The following MGAT4C variants were observed in gnomAD, a reference collection of about 807,000 sequenced individuals.
MGAT4C encodes the protein alpha-1,3-mannosyl-glycoprotein 4-beta-N-acetylglucosaminyltransferase C.
Under a neutral mutation model 40.1 loss-of-function variants are expected in MGAT4C, and 19 were observed. The observed-to-expected ratio is 0.47, with a 90% confidence interval of 0.33 to 0.70. The LOEUF is 0.70. Among genes scored for constraint, MGAT4C ranks in the 30% least tolerant of loss-of-function variants. MGAT4C has a pLI of 0.02. For synonymous variants in MGAT4C, 181 were observed against 187.1 expected (o/e 0.97, Z 0.27); for missense variants, 491 against 563.2 (o/e 0.87, Z 1.30).
At chr12:86,048,526 T>C (rs998710165) in intron 2 of MGAT4C, among the ~76,000 whole-genome samples, 1 of 152,002 alleles carries the variant, frequency 6.6e-6, no homozygotes, top group Non-Finnish European at 1.5e-5. Flanking sequence ...AATGAAAATA[T>C]ATCAGCTATG....
chr12:86,407,776 G>A (rs1027878704), intron 3 of MGAT4C, among the ~76,000 whole-genome samples: 2 of 151,982 alleles, frequency 1.3e-5, no homozygotes, highest in South Asian at 2.1e-4. Flanking sequence ...GAAAGACAAC[G>A]TTTTTTCAAG....
At chr12:86,269,798 A>C (rs1952896179) in intron 4 of MGAT4C, among the ~76,000 whole-genome samples, 1 of 152,108 alleles carries the variant, frequency 6.6e-6, no homozygotes, top group African/African-American at 2.4e-5. Flanking sequence ...CAATATAGTT[A>C]TTTTGTTGAT....
At chr12:86,207,454 C>T (rs1459075998) in intron 1 of MGAT4C, among the ~76,000 whole-genome samples, 7 of 152,078 alleles carry the variant, frequency 4.6e-5, no homozygotes, top group Admixed American at 2.0e-4. Flanking sequence ...CCTCGACCCC[C>T]CGACAGGCCT....
intron 1 of MGAT4C, among the ~76,000 whole-genome samples, chr12:86,221,378 A>G (rs79822159): frequency 0.027 from 4,057 of 152,252 alleles, 81 homozygotes; most frequent in East Asian, 0.048. Flanking sequence ...AAAAGGAGAT[A>G]ATATAAAGAA....
chr12:86,382,629 G>A (rs1212498969), intron 3 of MGAT4C, among the ~76,000 whole-genome samples: 4 of 152,198 alleles, frequency 2.6e-5, no homozygotes, highest in African/African-American at 4.8e-5. Context: ...CAGGCCCAGG[G>A]GTTTAGGAGG....
At chr12:86,823,252 A>G (rs1475003051) in intron 1 of MGAT4C, among the ~76,000 whole-genome samples, 1 of 151,250 alleles carries the variant, frequency 6.6e-6, no homozygotes, top group Non-Finnish European at 1.5e-5. Flanking sequence ...CAAAGTTAGC[A>G]TAAGGAAGAA....
chr12:86,766,684 C>A (rs1473205255), intron 1 of MGAT4C, among the ~76,000 whole-genome samples: 2 of 151,924 alleles, frequency 1.3e-5, no homozygotes, highest in African/African-American at 4.8e-5. Context: ...GACCACAGTG[C>A]AATCAAACTA....
chr12:86,053,905 CT>C (rs1893132154), intron 1 of MGAT4C, among the ~76,000 whole-genome samples: 1 of 151,728 alleles, frequency 6.6e-6, no homozygotes, highest in Non-Finnish European at 1.5e-5. Flanking sequence ...ATCACCTGAC[CT>C]GTTAGAATGG....
At chr12:86,464,117 G>A (rs1957642437) in intron 2 of MGAT4C, among the ~76,000 whole-genome samples, 1 of 152,078 alleles carries the variant, frequency 6.6e-6, no homozygotes, top group Non-Finnish European at 1.5e-5. Flanking sequence ...CATACTGTAA[G>A]ATAGTACTTC....
chr12:86,799,836 T>C (rs1201947753), intron 1 of MGAT4C, among the ~76,000 whole-genome samples: 1 of 151,916 alleles, frequency 6.6e-6, no homozygotes, highest in Non-Finnish European at 1.5e-5. Flanking sequence ...ATATTGCCTG[T>C]AGATAGTGAC....
intron 1 of MGAT4C, among the ~76,000 whole-genome samples, chr12:86,241,705 A>G (rs937167548): frequency 1.3e-5 from 2 of 152,168 alleles, no homozygotes; most frequent in African/African-American, 4.8e-5. Flanking sequence ...GGCCTCAGAT[A>G]CTAGACCTGT....
chr12:86,296,703 G>A (rs1381997949), intron 4 of MGAT4C, among the ~76,000 whole-genome samples: 1 of 152,210 alleles, frequency 6.6e-6, no homozygotes, highest in African/African-American at 2.4e-5. Flanking sequence ...CCGAGTGCGG[G>A]GCCCGCCAAG....
At chr12:86,771,965 T>G (rs1237660730) in intron 1 of MGAT4C, among the ~76,000 whole-genome samples, 1 of 152,136 alleles carries the variant, frequency 6.6e-6, no homozygotes, top group African/African-American at 2.4e-5. Flanking sequence ...CCTTGTTGCT[T>G]ATGGCAAAAT....
At position 86,799,016 on chromosome 12, in the gene MGAT4C, C is replaced by T. The variant is rs185279929; in HGVS notation, c.-262+39650G>A. Among the ~76,000 whole-genome samples, 5 of 151,814 alleles carry T rather than the reference C, an allele frequency of 3.3e-5. No individual in the cohort carries two copies. The East Asian group carries it at 9.7e-4, about 29-fold the overall frequency. On this transcript the variant is annotated intron_variant, in intron 1 of 7. Coordinates refer to the MGAT4C transcript ENST00000548651. ...ATTTAATTTGCCTTCTAGCATCTGG[C>T]CACCAGTTAAAAGAACCAGTTACAA...
intron 3 of MGAT4C, among the ~76,000 whole-genome samples, chr12:86,408,196 C>T (rs555909087): frequency 2.6e-5 from 4 of 151,822 alleles, no homozygotes; most frequent in South Asian, 2.1e-4. Flanking sequence ...TGGGTGACAT[C>T]GAAATAAAAT....
intron 1 of MGAT4C, among the ~76,000 whole-genome samples, chr12:86,052,506 T>G (rs1368922939): frequency 6.6e-6 from 1 of 152,010 alleles, no homozygotes; most frequent in Non-Finnish European, 1.5e-5. Context: ...TATTAAATAA[T>G]AAGAAATGCA....
At chr12:86,042,345 G>A (rs1004029340) in intron 2 of MGAT4C, among the ~76,000 whole-genome samples, 1 of 152,162 alleles carries the variant, frequency 6.6e-6, no homozygotes, top group Admixed American at 6.5e-5. Context: ...ATTTGATCCT[G>A]TCATTGTGTT....
intron 2 of MGAT4C, among the ~76,000 whole-genome samples, chr12:86,715,303 C>G (rs1197320801): frequency 1.3e-5 from 2 of 151,994 alleles, no homozygotes; most frequent in Admixed American, 6.6e-5. Flanking sequence ...AAAAAGCAAG[C>G]ATGCTAATTT....
intron 2 of MGAT4C, among the ~76,000 whole-genome samples, chr12:86,502,807 T>C (rs185624109): frequency 5.0e-5 from 6 of 120,022 alleles, no homozygotes; most frequent in Middle Eastern, 4.8e-3. Context: ...TATACACGAG[T>C]TCTGCTCATA....
Sources: gnomAD v4.1 joint callset for allele counts (sites outside exome capture counted in the v4.1 genomes callset) on GRCh38, gnomAD v4.1.1 for gene constraint, MANE v1.5 for transcripts, NCBI Gene and HGNC (gene_info 2026-07-23, HGNC 2026-07-21) for gene names.